The following NUP98 variants were observed in gnomAD, a reference collection of about 807,000 sequenced individuals.
The protein encoded by NUP98 is nuclear pore complex protein Nup98-Nup96.
In NUP98, 26 loss-of-function variants were observed where a neutral mutation model predicts 191.9. That is an observed-to-expected ratio of 0.14 (90% CI 0.10 to 0.19). NUP98 has a LOEUF of 0.19. NUP98 is among the 10% of genes least tolerant of loss of function. The pLI is 1.00. For missense variants in NUP98, 1,941 were observed against 2,178.8 expected, an observed-to-expected ratio of 0.89 and a Z score of 2.17; for synonymous variants, 808 against 778.4, an observed-to-expected ratio of 1.04 and a Z score of -0.63.
Position 3,722,105 on chromosome 11 carries a change from CTTTTTTTTTTTTT to C in NUP98, c.2146+1039_2146+1051del, listed in dbSNP as rs923606079. On this transcript the variant is annotated intron_variant, in intron 16 of 32. Transcript: ENST00000324932. The stretch of plus-strand genomic sequence containing the variant: ...AAATACAGATTAAGCACCTGGAATT[CTTTTTTTTTTTTT>C]TTTTTTTTTTAGGAGACAGGATCTT... Among the ~76,000 whole-genome samples the C allele has an allele frequency of 2.2e-4, 24 of 108,272 alleles. No individual in the cohort carries two copies. The South Asian group carries it at 7.9e-3, about 36-fold the overall frequency. The allele number at this position is 108,272 out of a possible 152,430, so 71.0% of individuals were successfully genotyped here. A position where few individuals can be genotyped will look rare whatever the true frequency, so the allele number is the denominator to read the frequency against.
intron 20 of NUP98, among the ~76,000 whole-genome samples, chr11:3,710,978 G>A (rs972911221): frequency 6.6e-6 from 1 of 152,070 alleles, no homozygotes; most frequent in Non-Finnish European, 1.5e-5. Context: ...GGTGACTCAC[G>A]CCTGTAGTCC....
chr11:3,795,138 G>A (rs1287117696), intron 1 of NUP98, among the ~76,000 whole-genome samples: 1 of 152,150 alleles, frequency 6.6e-6, no homozygotes, highest in Non-Finnish European at 1.5e-5. Flanking sequence ...CTAGGACCTA[G>A]TAGACATAAA....
At chr11:3,793,458 T>C (rs937635796) in intron 1 of NUP98, among the ~76,000 whole-genome samples, 3 of 151,868 alleles carry the variant, frequency 2.0e-5, no homozygotes, top group Middle Eastern at 3.2e-3. Context: ...CAACTAATTT[T>C]TCTATTTTTA....
Position 3,702,998 on chromosome 11 carries a change from A to G in NUP98, c.3083-106T>C, listed in dbSNP as rs2078756572. 39 of 934,714 alleles carry G rather than the reference A, an allele frequency of 4.2e-5. No individual in the cohort carries two copies. The South Asian group carries it at 5.8e-4, about 14-fold the overall frequency. 57.9% of individuals were successfully genotyped at this position (934,714 alleles called of 1,614,324 possible). A position where few individuals can be genotyped will look rare whatever the true frequency, so the allele number is the denominator to read the frequency against. ...TAAGGCTGAAATCATTCAATGTTTA[A>G]TCAAACTACTTATATCAGATGTGGA... is the stretch of plus-strand genomic sequence containing the variant. On this transcript the variant is annotated intron_variant, in intron 22 of 32. Coordinates refer to ENST00000324932, the MANE Select transcript of NUP98 (RefSeq NM_016320.5).
At chr11:3,794,108 G>A (rs2082448746) in intron 1 of NUP98, among the ~76,000 whole-genome samples, 3 of 152,258 alleles carry the variant, frequency 2.0e-5, no homozygotes, top group South Asian at 4.1e-4. Flanking sequence ...TATCTAATGG[G>A]TAGAGGTAGG....
At chr11:3,741,838 G>A (rs1038660756) in intron 12 of NUP98, among the ~76,000 whole-genome samples, 2 of 152,184 alleles carry the variant, frequency 1.3e-5, no homozygotes, top group South Asian at 4.1e-4. Flanking sequence ...GTTACTGCAA[G>A]AAGGAAGACA....
At position 3,768,149 on chromosome 11, in the gene NUP98, C is replaced by T. The variant is rs144916154; in HGVS notation, c.948+432G>A. Among the ~76,000 whole-genome samples, 618 of 152,110 alleles carry T rather than the reference C, an allele frequency of 4.1e-3. 3 individuals are homozygous for T. The highest frequency in any genetic ancestry group is 0.014 in the African/African-American group (579 of 41,506). ...CTAAGACTTTGTTCTTGGCCGGGCA[C>T]GGTGGCTCATGCCTATAATCCCAGC... On this transcript the variant is annotated intron_variant, in intron 8 of 32. Transcript: ENST00000324932.
chr11:3,771,081 T>C (rs922750908), intron 7 of NUP98, among the ~76,000 whole-genome samples: 16 of 152,192 alleles, frequency 1.1e-4, no homozygotes, highest in African/African-American at 3.4e-4. Context: ...CAGGCTAGTC[T>C]TGAACTCCTG....
intron 9 of NUP98, 48 bp from the exon 10 acceptor site, chr11:3,760,674 C>A: frequency 6.6e-7 from 1 of 1,524,976 alleles, no homozygotes; most frequent in Non-Finnish European, 9.0e-7. Context: ...TTAAGACACA[C>A]ACCAAACTAA....
At chr11:3,707,776 T>C (rs1469758905) in intron 20 of NUP98, among the ~76,000 whole-genome samples, 2 of 118,224 alleles carry the variant, frequency 1.7e-5, no homozygotes, top group African/African-American at 6.7e-5. Flanking sequence ...GAAAAAGCCC[T>C]GGTAATGACA....
At chr11:3,734,050 T>G (rs187626051) in intron 13 of NUP98, among the ~76,000 whole-genome samples, 1 of 152,230 alleles carries the variant, frequency 6.6e-6, no homozygotes, top group East Asian at 1.9e-4. Context: ...CTTTTTTTTT[T>G]TTGAGACGAA....
chr11:3,756,818 T>C (rs1002609729), intron 10 of NUP98, among the ~76,000 whole-genome samples: 13 of 152,118 alleles, frequency 8.5e-5, no homozygotes, highest in Non-Finnish European at 1.8e-4. Context: ...CTGGGCGCAG[T>C]GGCTCACGCC....
chr11:3,792,178 C>CAAAAAAAAAAAAAAA (rs61471948), intron 1 of NUP98, among the ~76,000 whole-genome samples: 1 of 58,852 alleles, frequency 1.7e-5, no homozygotes. Context: ...AACTCCATCT[C>CAAAAAAAAAAAAAAA]AAAAAAAAAA....
In NUP98 at chr11:3,775,025, A is replaced by G. The variant is rs187315524; in HGVS notation, c.495+857T>C. On this transcript the variant is annotated intron_variant, in intron 5 of 32. Coordinates refer to ENST00000324932, the MANE Select transcript of NUP98 (RefSeq NM_016320.5). ...CTCCAGCATACCCTAAGAATCCCCC[A>G]AACATTTACATCAAGTGGCATTCCA... is the stretch of plus-strand genomic sequence containing the variant. Among the ~76,000 whole-genome samples the G allele has an allele frequency of 2.6e-3, 396 of 152,304 alleles. 2 individuals carry two copies. The highest frequency in any genetic ancestry group is 9.0e-3 in the African/African-American group (372 of 41,552).
At chr11:3,708,594 T>C (rs996079926) in intron 20 of NUP98, among the ~76,000 whole-genome samples, 1 of 152,072 alleles carries the variant, frequency 6.6e-6, no homozygotes, top group Non-Finnish European at 1.5e-5. Context: ...ATGCCCTATA[T>C]GTAAATTTTG....
intron 15 of NUP98, among the ~76,000 whole-genome samples, chr11:3,723,829 CTTT>C (rs34043967): frequency 7.0e-6 from 1 of 142,310 alleles, no homozygotes; most frequent in Non-Finnish European, 1.5e-5. Context: ...CAAAGGGTTT[CTTT>C]TTTTTTTTTT....
At chr11:3,726,257 C>T (rs1364389650) in intron 14 of NUP98, among the ~76,000 whole-genome samples, 2 of 150,798 alleles carry the variant, frequency 1.3e-5, no homozygotes, top group Non-Finnish European at 3.0e-5. Context: ...TATTTAAATG[C>T]ATATATTTGA....
intron 18 of NUP98, among the ~76,000 whole-genome samples, chr11:3,717,466 G>C (rs1181295821): frequency 1.3e-5 from 2 of 152,098 alleles, no homozygotes; most frequent in East Asian, 3.8e-4. Context: ...CTATATATAT[G>C]AAATGTTTTC....
intron 12 of NUP98, among the ~76,000 whole-genome samples, chr11:3,739,392 GT>G (rs2080193925): frequency 6.6e-6 from 1 of 152,106 alleles, no homozygotes; most frequent in Admixed American, 6.6e-5. Flanking sequence ...GGGATTACAG[GT>G]GCCTGCCGCC....
Sources: allele counts gnomAD v4.1 joint callset (sites outside exome capture counted in the v4.1 genomes callset), GRCh38; gene constraint gnomAD v4.1.1; transcripts MANE v1.5; gene names NCBI Gene and HGNC (gene_info 2026-07-23, HGNC 2026-07-21).